Variants in STAP1 observed in about 807,000 individuals in gnomAD.
The protein encoded by STAP1 is signal-transducing adaptor protein 1.
STAP1 carries 30 observed loss-of-function variants against 37.8 expected under a neutral mutation model. That is an observed-to-expected ratio of 0.79 (90% CI 0.59 to 1.08). The LOEUF (loss-of-function observed/expected upper bound fraction) is 1.08. Among genes scored for constraint, STAP1 ranks in the 50% least tolerant of loss-of-function variants. The pLI is 0.00. For missense variants in STAP1, 357 were observed against 349.4 expected, an observed-to-expected ratio of 1.02 and a Z score of -0.17; for synonymous variants, 130 against 116.0, an observed-to-expected ratio of 1.12 and a Z score of -0.78.
At chr4:67,585,258 A>G (rs1253118337) in intron 6 of STAP1, among the ~76,000 whole-genome samples, 1 of 152,222 alleles carries the variant, frequency 6.6e-6, no homozygotes, top group East Asian at 1.9e-4. Flanking sequence ...ATACTATAAC[A>G]TATCTATCAA....
At chr4:67,571,541 T>A (rs1198154285) in intron 2 of STAP1, among the ~76,000 whole-genome samples, 1 of 152,066 alleles carries the variant, frequency 6.6e-6, no homozygotes, top group Admixed American at 6.6e-5. Flanking sequence ...AACAAAATGA[T>A]CTCCAGAGCA....
intron 2 of STAP1, among the ~76,000 whole-genome samples, chr4:67,572,143 C>A (rs956390992): frequency 6.6e-6 from 1 of 152,210 alleles, no homozygotes; most frequent in African/African-American, 2.4e-5. Context: ...CCACTGTTAA[C>A]TGCAGAATCT....
chr4:67,584,321 A>T (rs190662912), intron 6 of STAP1, among the ~76,000 whole-genome samples: 1 of 152,302 alleles, frequency 6.6e-6, no homozygotes, highest in East Asian at 1.9e-4. Context: ...TACGCAGTGA[A>T]AAAAACAAAC....
At chr4:67,580,790 T>G (rs1727835605) in intron 4 of STAP1, among the ~76,000 whole-genome samples, 2 of 152,232 alleles carry the variant, frequency 1.3e-5, no homozygotes, top group Non-Finnish European at 1.5e-5. Flanking sequence ...TTCTAACATG[T>G]GAATGAATGT....
intron 1 of STAP1, among the ~76,000 whole-genome samples, 173 bp downstream of exon 1, chr4:67,559,102 G>T (rs1727277721): frequency 1.3e-5 from 2 of 151,938 alleles, no homozygotes; most frequent in Non-Finnish European, 2.9e-5. Context: ...ACAATGTCTG[G>T]CTTAAACCTG....
chr4:67,590,736 C>A (rs1424055731), intron 6 of STAP1, 148 bp from the exon 7 acceptor site: 1 of 490,208 alleles, frequency 2.0e-6, no homozygotes, highest in Non-Finnish European at 3.3e-6. Context: ...AAATAAAAAA[C>A]CACGAAGGAT....
chr4:67,606,490 A>G lies in STAP1; in HGVS notation c.*133A>G. On this transcript the variant is annotated 3_prime_UTR_variant, in exon 9 of 9. Coordinates refer to ENST00000265404, the MANE Select transcript of STAP1 (RefSeq NM_012108.4). Reference sequence around the variant, plus strand: ...TCATTCACCTGAACACCAGAATTAGAATTAAACATTGTACCATACAATTTC... The same window carrying G: ...TCATTCACCTGAACACCAGAATTAGGATTAAACATTGTACCATACAATTTC... The G allele has an allele frequency of 1.4e-6, 1 of 732,558 alleles. No homozygotes were observed. Among genetic ancestry groups the G allele is most frequent in the Non-Finnish European group, 2.2e-6 (1 of 453,738 alleles). 45.4% of individuals were successfully genotyped at this position (732,558 alleles called of 1,614,324 possible). A position where few individuals can be genotyped will look rare whatever the true frequency, so the allele number is the denominator to read the frequency against.
chr4:67,574,111 A>AAT (rs1020952304), intron 2 of STAP1, among the ~76,000 whole-genome samples: 3 of 151,992 alleles, frequency 2.0e-5, no homozygotes, highest in Admixed American at 6.6e-5. Flanking sequence ...AAAAAGTATG[A>AAT]ATATATATAT....
chr4:67,582,223 AAT>A (rs1727876343), intron 5 of STAP1, among the ~76,000 whole-genome samples: 2 of 152,154 alleles, frequency 1.3e-5, no homozygotes, highest in South Asian at 4.2e-4. Flanking sequence ...TAAAACAAGT[AAT>A]ATATGTTTAT....
At chr4:67,597,629 C>T (rs1257407506) in intron 8 of STAP1, among the ~76,000 whole-genome samples, 1 of 152,210 alleles carries the variant, frequency 6.6e-6, no homozygotes, top group South Asian at 2.1e-4. Context: ...CTGTTCATGG[C>T]CCTGGGAGCC....
At chr4:67,568,661 T>C (rs1401383665) in intron 1 of STAP1, among the ~76,000 whole-genome samples, 2 of 152,184 alleles carry the variant, frequency 1.3e-5, no homozygotes, top group East Asian at 1.9e-4. Flanking sequence ...TCAATAAGAT[T>C]TGGATTTTAA....
At chr4:67,562,523 T>C (rs1203871952) in intron 1 of STAP1, among the ~76,000 whole-genome samples, 3 of 149,944 alleles carry the variant, frequency 2.0e-5, no homozygotes, top group Non-Finnish European at 4.4e-5. Flanking sequence ...CCCAGCACTT[T>C]GGGAGGCCGA....
intron 2 of STAP1, among the ~76,000 whole-genome samples, chr4:67,574,921 T>C (rs1727685502): frequency 6.6e-6 from 1 of 152,160 alleles, no homozygotes; most frequent in Non-Finnish European, 1.5e-5. Context: ...AACCTAACAG[T>C]ATGACCTCAC....
chr4:67,568,731 T>C (rs1288543772), intron 1 of STAP1, among the ~76,000 whole-genome samples: 1 of 152,220 alleles, frequency 6.6e-6, no homozygotes, highest in Non-Finnish European at 1.5e-5. Context: ...CTGTCAATAA[T>C]ATATACTATT....
chr4:67,572,712 T>C (rs1342379229), intron 2 of STAP1, among the ~76,000 whole-genome samples: 1 of 152,238 alleles, frequency 6.6e-6, no homozygotes, highest in Non-Finnish European at 1.5e-5. Context: ...AATGAGATAG[T>C]ACATGTAAGG....
In STAP1 at chr4:67,558,929, G is replaced by A. The variant is rs148001990; in HGVS notation, c.120G>A (p.Arg40=). Reference sequence around the variant, plus strand: ...TATTAATCAAGCGGTCAGGATACCGGGTGAGTCTATAGATGATAATGTTAA... The same window carrying A: ...TATTAATCAAGCGGTCAGGATACCGAGTGAGTCTATAGATGATAATGTTAA... ...GFLLIKRSGY[R]EYEHYWTELR... Residue 40 remains arginine (R), a splice_region_variant and synonymous_variant, in exon 1 of 9, where the codon CGG becomes CGA. Coordinates refer to ENST00000265404, the MANE Select transcript of STAP1 (RefSeq NM_012108.4). The A allele has an allele frequency of 6.8e-6, 11 of 1,610,134 alleles. No individual in the cohort carries two copies. In the African/African-American group the frequency reaches 1.2e-4, roughly 18 times the overall value.
At chr4:67,590,273 AAGACAATAC>A in intron 6 of STAP1, among the ~76,000 whole-genome samples, 1 of 152,316 alleles carries the variant, frequency 6.6e-6, no homozygotes, top group South Asian at 2.1e-4. Flanking sequence ...ATAGAAGAGG[AAGACAATAC>A]GATTCATGTA....
At chr4:67,599,228 T>G (rs1284137596) in intron 8 of STAP1, among the ~76,000 whole-genome samples, 1 of 152,146 alleles carries the variant, frequency 6.6e-6, no homozygotes, top group Non-Finnish European at 1.5e-5. Context: ...CACTGCAGAA[T>G]GACTTTGGAA....
chr4:67,583,924 C>T (rs1452857460), intron 6 of STAP1, among the ~76,000 whole-genome samples: 2 of 151,806 alleles, frequency 1.3e-5, no homozygotes. Context: ...CGGTGAAACC[C>T]CGTCTTTACT....
Sources: allele counts gnomAD v4.1 joint callset (sites outside exome capture counted in the v4.1 genomes callset), GRCh38; gene constraint gnomAD v4.1.1; transcripts MANE v1.5; gene names NCBI Gene and HGNC (gene_info 2026-07-23, HGNC 2026-07-21).